Variants in SV2B observed in about 807,000 individuals in gnomAD.
SV2B encodes synaptic vesicle glycoprotein 2B, also known as solute carrier family 22 member B2.
A neutral mutation model predicts 73.9 loss-of-function variants in SV2B; 41 were observed. That is an observed-to-expected ratio of 0.56 (90% CI 0.43 to 0.72). The LOEUF is 0.72. SV2B is among the 30% of genes least tolerant of loss of function. SV2B has a pLI of 0.00. For synonymous variants in SV2B, 314 were observed against 314.2 expected (o/e 1.00, Z 0.01); for missense variants, 764 against 857.8 (o/e 0.89, Z 1.37).
In SV2B at chr15:91,220,401, A is replaced by G. The variant is rs1333065644; in HGVS notation, c.-391-5472A>G. On this transcript the variant is annotated intron_variant, in intron 1 of 12. Transcript: ENST00000394232. This position sits in a 1 kb window ranked among gnomAD's most constrained non-coding sequence, Gnocchi z 4.1. ...TGTGCATTGTGCATTTCTGAAAGAG[A>G]ATAGTGAATAGAAGATGCAGTGTTT... Among the ~76,000 whole-genome samples, 2 of 152,202 alleles carry G rather than the reference A, an allele frequency of 1.3e-5. No homozygotes were observed. Among genetic ancestry groups the G allele is most frequent in the Non-Finnish European group, 2.9e-5 (2 of 68,030 alleles).
chr15:91,168,514 G>A (rs1207521885), intron 1 of SV2B, among the ~76,000 whole-genome samples: 8 of 152,198 alleles, frequency 5.3e-5, no homozygotes, highest in Admixed American at 5.2e-4. Context: ...AGAAAAAGGG[G>A]ATACCTCCCA....
chr15:91,124,232 A>G lies in SV2B; in HGVS notation c.-392+23869A>G, dbSNP rs556742121. ...GCCTCAGGGCCCATCTGTTCATGCT[A>G]TTTATTCCCTCGGGGAAGTCACGAA... On this transcript the variant is annotated intron_variant, in intron 1 of 12. Transcript: ENST00000394232. This position sits in a 1 kb window ranked among gnomAD's most constrained non-coding sequence, Gnocchi z 4.6. 2.0e-5 allele frequency among the ~76,000 whole-genome samples: 3 copies of G among 152,260 alleles called. No individual in the cohort carries two copies. Among genetic ancestry groups the G allele is most frequent in the Admixed American group, 6.5e-5 (1 of 15,310 alleles).
intron 11 of SV2B, among the ~76,000 whole-genome samples, chr15:91,286,530 T>C (rs943136971): frequency 6.6e-6 from 1 of 152,222 alleles, no homozygotes; most frequent in Non-Finnish European, 1.5e-5. Flanking sequence ...AGTATCCCTG[T>C]GCTTAAGGCG....
Position 91,241,472 on chromosome 15 carries a change from T to C in SV2B, c.452-10347T>C, listed in dbSNP as rs1341751775. Among the ~76,000 whole-genome samples the C allele has an allele frequency of 6.6e-6, 1 of 152,142 alleles. No homozygotes were observed. The highest frequency in any genetic ancestry group is 1.5e-5 in the Non-Finnish European group (1 of 68,012). ...TTGTGCTGCCAGCCATCATCCTTCA[T>C]TTCCCTCATCCCTTCACACTCTCCT... On this transcript the variant is annotated intron_variant, in intron 2 of 12. Transcript: ENST00000394232. This position sits in a 1 kb window ranked among gnomAD's most constrained non-coding sequence, Gnocchi z 4.8.
intron 1 of SV2B, among the ~76,000 whole-genome samples, chr15:91,165,771 T>A (rs761358024): frequency 6.6e-6 from 1 of 152,238 alleles, no homozygotes; most frequent in Non-Finnish European, 1.5e-5. Context: ...CAGTCATACA[T>A]ATTTTAAAGA....
chr15:91,272,828 CTTTTTTT>C lies in SV2B; in HGVS notation c.1373+4241_1373+4247del, dbSNP rs869274294. Among the ~76,000 whole-genome samples the C allele has an allele frequency of 5.5e-4, 51 of 92,876 alleles. No individual in the cohort carries two copies. In the East Asian group the frequency reaches 7.4e-3, roughly 13 times the overall value. 60.9% of individuals were successfully genotyped at this position (92,876 alleles called of 152,430 possible). A position where few individuals can be genotyped will look rare whatever the true frequency, so the allele number is the denominator to read the frequency against. On this transcript the variant is annotated intron_variant, in intron 9 of 12. Transcript: ENST00000394232. ...AGGGGGGATAAATGAGCATATTCGT[CTTTTTTT>C]TTTTTTTTTTTTTTTTTGATGGAGT...
At chr15:91,202,137 C>T (rs1302716162) in intron 1 of SV2B, among the ~76,000 whole-genome samples, 3 of 152,136 alleles carry the variant, frequency 2.0e-5, no homozygotes, top group Non-Finnish European at 2.9e-5. Context: ...ATAAAATAGC[C>T]CCATCCCTGC....
intron 1 of SV2B, among the ~76,000 whole-genome samples, chr15:91,210,590 A>C (rs978777403): frequency 6.6e-6 from 1 of 152,070 alleles, no homozygotes; most frequent in Non-Finnish European, 1.5e-5. Context: ...CCTCCTTGAT[A>C]TCATCCCTTC....
In SV2B at chr15:91,245,253, T is replaced by A. The variant is rs1461413100; in HGVS notation, c.452-6566T>A. ...CCACAAACTTGTTGATCTCCTTCGATCTCATGATTCGATTTCTTGGAATCT... is the reference window on the plus strand; with the variant it reads ...CCACAAACTTGTTGATCTCCTTCGAACTCATGATTCGATTTCTTGGAATCT... On this transcript the variant is annotated intron_variant, in intron 2 of 12. Transcript: ENST00000394232. This position sits in a 1 kb window ranked among gnomAD's most constrained non-coding sequence, Gnocchi z 4.2. Among the ~76,000 whole-genome samples, 1 of 152,208 alleles carries A rather than the reference T, an allele frequency of 6.6e-6. No individual in the cohort carries two copies. The highest frequency in any genetic ancestry group is 1.5e-5 in the Non-Finnish European group (1 of 68,040).
Position 91,115,443 on chromosome 15 carries a change from C to T in SV2B, c.-392+15080C>T, listed in dbSNP as rs970827107. Among the ~76,000 whole-genome samples, 2 of 152,018 alleles carry T rather than the reference C, an allele frequency of 1.3e-5. No individual in the cohort carries two copies. Among genetic ancestry groups the T allele is most frequent in the African/African-American group, 4.8e-5 (2 of 41,400 alleles). ...TTGGAGTACAGTAGTGTGATCTTGG[C>T]TCACTGCAACCTCTGCCTCTCAGGC... On this transcript the variant is annotated intron_variant, in intron 1 of 12. Coordinates refer to ENST00000394232, the MANE Select transcript of SV2B (RefSeq NM_001323032.3). The surrounding 1 kb of genome is among the most constrained non-coding windows in gnomAD (Gnocchi z 4.3).
At chr15:91,143,924 T>G (rs931043989) in intron 1 of SV2B, among the ~76,000 whole-genome samples, 13 of 152,120 alleles carry the variant, frequency 8.5e-5, no homozygotes, top group African/African-American at 2.7e-4. Context: ...TTCTTTAGAG[T>G]CTGTCTTCTA....
intron 1 of SV2B, among the ~76,000 whole-genome samples, chr15:91,151,777 C>T (rs2141219322): frequency 6.6e-6 from 1 of 152,260 alleles, no homozygotes; most frequent in Admixed American, 6.5e-5. Context: ...GAAATCAAAG[C>T]TGCTTCTCTG....
chr15:91,260,401 G>A lies in SV2B; in HGVS notation c.1000G>A (p.Val334Met). The change falls in exon 6 of 13, where the codon GTG (valine) becomes ATG (methionine). Residue 334 changes from valine (V) to methionine (M), a missense_variant. Coordinates refer to ENST00000394232, the MANE Select transcript of SV2B (RefSeq NM_001323032.3). Reference sequence around the variant, plus strand: ...GAGAGCTAAGGGGACCCCAGAGAAAGTGTTCACGGTGAGTGTGGGGTTGCC... The same window carrying A: ...GAGAGCTAAGGGGACCCCAGAGAAAATGTTCACGGTGAGTGTGGGGTTGCC... ...NMRAKGTPEK[V>M]FTVSNIKTPK... 1 of 1,612,814 alleles carries A rather than the reference G, an allele frequency of 6.2e-7. No homozygotes were observed. The highest frequency in any genetic ancestry group is 1.7e-4 in the Middle Eastern group (1 of 6,052).
intron 1 of SV2B, among the ~76,000 whole-genome samples, chr15:91,190,741 A>C (rs567036727): frequency 1.1e-4 from 16 of 152,322 alleles, no homozygotes; most frequent in Admixed American, 9.8e-4. Flanking sequence ...TTGTCAATAC[A>C]CCTATGCACA....
chr15:91,206,852 G>A (rs976812857), intron 1 of SV2B, among the ~76,000 whole-genome samples: 1 of 152,138 alleles, frequency 6.6e-6, no homozygotes, highest in Non-Finnish European at 1.5e-5. Flanking sequence ...CAACAGAGAA[G>A]TTTGAAGGCT....
rs182413375 is a variant in SV2B at position 91,223,401 on chromosome 15, A to C, written c.-391-2472A>C. 3.9e-4 allele frequency among the ~76,000 whole-genome samples: 60 copies of C among 152,358 alleles called. No homozygotes were observed. Among genetic ancestry groups the C allele is most frequent in the African/African-American group, 1.1e-3 (44 of 41,584 alleles). ...ATTCCCCTTTACTCCACTGCACTTG[A>C]CATTCACAGCAGGTCTTTTAACTGA... is the stretch of plus-strand genomic sequence containing the variant. On this transcript the variant is annotated intron_variant, in intron 1 of 12. Transcript: ENST00000394232. This position sits in a 1 kb window ranked among gnomAD's most constrained non-coding sequence, Gnocchi z 4.6.
intron 2 of SV2B, among the ~76,000 whole-genome samples, chr15:91,247,670 T>C (rs920191346): frequency 1.3e-5 from 2 of 152,208 alleles, no homozygotes; most frequent in Admixed American, 6.5e-5. Flanking sequence ...TGGATGCAGC[T>C]GCTATCTAGA....
intron 1 of SV2B, among the ~76,000 whole-genome samples, chr15:91,198,486 T>TG (rs2045338414): frequency 6.7e-6 from 1 of 149,098 alleles, no homozygotes; most frequent in Non-Finnish European, 1.5e-5. Context: ...TGTGTGTGTG[T>TG]GTGTGTGTGT....
chr15:91,295,794 C>T lies in SV2B; in HGVS notation c.*3242C>T, dbSNP rs991304664. 3 of 152,158 alleles carry T rather than the reference C, an allele frequency of 2.0e-5. No individual in the cohort carries two copies. Among genetic ancestry groups the T allele is most frequent in the Admixed American group, 1.3e-4 (2 of 15,272 alleles). 9.4% of individuals were successfully genotyped at this position (152,158 alleles called of 1,614,324 possible). On this transcript the variant is annotated 3_prime_UTR_variant, in exon 13 of 13. Transcript: ENST00000394232. ...CCATCCATTTATTCATTCAGCAAAT[C>T]CTTATTGAGCCCTGACCATGGGCCA...
Sources: allele counts gnomAD v4.1 joint callset (sites outside exome capture counted in the v4.1 genomes callset), GRCh38; gene constraint gnomAD v4.1.1; non-coding constraint Gnocchi (gnomAD v3.1); transcripts MANE v1.5; gene names NCBI Gene and HGNC (gene_info 2026-07-23, HGNC 2026-07-21).